Variants in ADAMTS12 observed in about 807,000 individuals in gnomAD.
ADAMTS12 encodes the protein A disintegrin and metalloproteinase with thrombospondin motifs 12.
Under a neutral mutation model 167.8 loss-of-function variants are expected in ADAMTS12, and 118 were observed. The ratio of observed to expected loss-of-function variants is 0.70; its 90% CI spans 0.61 to 0.82. The LOEUF (loss-of-function observed/expected upper bound fraction) is 0.82, where lower values mean the gene tolerates loss of function less well. Among genes scored for constraint, ADAMTS12 ranks in the 40% least tolerant of loss-of-function variants. The pLI, the probability that ADAMTS12 is intolerant of heterozygous loss-of-function variation, is 0.00. For missense variants in ADAMTS12, 1,916 were observed against 1,998.8 expected, an observed-to-expected ratio of 0.96 and a Z score of 0.79; for synonymous variants, 704 against 716.9, an observed-to-expected ratio of 0.98 and a Z score of 0.29.
intron 7 of ADAMTS12, among the ~76,000 whole-genome samples, chr5:33,655,720 G>T (rs570014045): frequency 4.0e-5 from 6 of 151,522 alleles, no homozygotes; most frequent in African/African-American, 1.2e-4. Context: ...TACATGTGCC[G>T]TGGTGGTTTG....
chr5:33,623,938 G>A (rs1158163120), intron 14 of ADAMTS12, among the ~76,000 whole-genome samples: 1 of 152,032 alleles, frequency 6.6e-6, no homozygotes, highest in Non-Finnish European at 1.5e-5. Context: ...TTCCCAAAGG[G>A]GATCCTCTCC....
At chr5:33,868,868 G>A (rs1692964270) in intron 2 of ADAMTS12, among the ~76,000 whole-genome samples, 1 of 152,182 alleles carries the variant, frequency 6.6e-6, no homozygotes, top group South Asian at 2.1e-4. Flanking sequence ...ATGTGGCCCA[G>A]AGAAGCCAAA....
chr5:33,557,853 G>C (rs1016663363), intron 20 of ADAMTS12, among the ~76,000 whole-genome samples: 1 of 151,990 alleles, frequency 6.6e-6, no homozygotes, highest in Non-Finnish European at 1.5e-5. Flanking sequence ...GCCTGAGCTC[G>C]ACCTCCTGTC....
intron 3 of ADAMTS12, among the ~76,000 whole-genome samples, chr5:33,688,591 C>T (rs982124226): frequency 1.3e-5 from 2 of 152,184 alleles, no homozygotes; most frequent in African/African-American, 2.4e-5. Context: ...TCAGTGTCCA[C>T]GGCAGCCAGG....
intron 3 of ADAMTS12, among the ~76,000 whole-genome samples, chr5:33,691,653 G>A (rs553947030): frequency 6.6e-6 from 1 of 152,282 alleles, no homozygotes; most frequent in Non-Finnish European, 1.5e-5. Context: ...GATGGGTGAT[G>A]GACCAGCAAG....
At chr5:33,851,505 G>T (rs1278541588) in intron 2 of ADAMTS12, among the ~76,000 whole-genome samples, 1 of 152,182 alleles carries the variant, frequency 6.6e-6, no homozygotes, top group Non-Finnish European at 1.5e-5. Flanking sequence ...TGAATTAAAA[G>T]GATTTACTAG....
At chr5:33,668,757 TACAGGCGTGAGCCTCC>T (rs1194447276) in intron 5 of ADAMTS12, among the ~76,000 whole-genome samples, 1 of 152,234 alleles carries the variant, frequency 6.6e-6, no homozygotes, top group Non-Finnish European at 1.5e-5. Flanking sequence ...GGGCTGGGAT[TACAGGCGTGAGCCTCC>T]ACACCCGGCC....
At chr5:33,775,631 T>C (rs1035031972) in intron 2 of ADAMTS12, among the ~76,000 whole-genome samples, 3 of 152,208 alleles carry the variant, frequency 2.0e-5, no homozygotes, top group South Asian at 2.1e-4. Context: ...AAGGAATCCA[T>C]GTGAGACATT....
chr5:33,771,776 TAA>T (rs1291745283), intron 2 of ADAMTS12, among the ~76,000 whole-genome samples: 1 of 151,946 alleles, frequency 6.6e-6, no homozygotes, highest in Non-Finnish European at 1.5e-5. Flanking sequence ...CACTGTGTAG[TAA>T]AGTTATACTG....
chr5:33,543,886 C>T (rs1744828941), intron 22 of ADAMTS12, among the ~76,000 whole-genome samples: 1 of 152,116 alleles, frequency 6.6e-6, no homozygotes. Flanking sequence ...CTATTTATGA[C>T]AAACCCACAG....
At chr5:33,764,864 C>A (rs1745476258) in intron 2 of ADAMTS12, among the ~76,000 whole-genome samples, 3 of 151,806 alleles carry the variant, frequency 2.0e-5, no homozygotes, top group Admixed American at 1.3e-4. Context: ...GAGTTCAACT[C>A]CCACCCCCAT....
chr5:33,809,998 AAAACAG>A (rs1747392073), intron 2 of ADAMTS12, among the ~76,000 whole-genome samples: 1 of 143,244 alleles, frequency 7.0e-6, no homozygotes, highest in African/African-American at 3.0e-5. Flanking sequence ...AAAAAAAAAA[AAAACAG>A]ATTAGAAGCA....
At chr5:33,790,994 G>A (rs1746544618) in intron 2 of ADAMTS12, among the ~76,000 whole-genome samples, 1 of 151,934 alleles carries the variant, frequency 6.6e-6, no homozygotes, top group Admixed American at 6.6e-5. Context: ...GTGATTCCCA[G>A]TCCCTCCACT....
intron 2 of ADAMTS12, among the ~76,000 whole-genome samples, chr5:33,850,322 T>A (rs1210359598): frequency 1.3e-5 from 2 of 152,144 alleles, no homozygotes; most frequent in Non-Finnish European, 2.9e-5. Context: ...TAATCAGACC[T>A]CAGGGGAAGC....
At chr5:33,675,104 C>T (rs1741852414) in intron 5 of ADAMTS12, among the ~76,000 whole-genome samples, 1 of 152,124 alleles carries the variant, frequency 6.6e-6, no homozygotes, top group African/African-American at 2.4e-5. Flanking sequence ...TCTTGGACTT[C>T]CCAGTCGCCA....
At chr5:33,560,318 T>C (rs1745676893) in intron 20 of ADAMTS12, among the ~76,000 whole-genome samples, 2 of 152,146 alleles carry the variant, frequency 1.3e-5, no homozygotes, top group African/African-American at 4.8e-5. Context: ...AAAAACACTG[T>C]TGGTGGGACT....
chr5:33,872,831 G>A (rs896197537), intron 2 of ADAMTS12, among the ~76,000 whole-genome samples: 2 of 152,022 alleles, frequency 1.3e-5, no homozygotes, highest in Admixed American at 6.6e-5. Context: ...ACACTGACAG[G>A]CTAAAGAAAA....
At chr5:33,620,132 A>T (rs1047160201) in intron 14 of ADAMTS12, among the ~76,000 whole-genome samples, 24 of 152,394 alleles carry the variant, frequency 1.6e-4, no homozygotes, top group Non-Finnish European at 2.9e-4. Flanking sequence ...ACCTGCTGGC[A>T]TAGCTGTAGT....
At chr5:33,759,292 G>C (rs935108975) in intron 2 of ADAMTS12, among the ~76,000 whole-genome samples, 5 of 152,308 alleles carry the variant, frequency 3.3e-5, no homozygotes, top group Admixed American at 3.3e-4. Flanking sequence ...GCCAGGTCCT[G>C]GCCTCCTGTA....
Sources: gnomAD v4.1 joint callset for allele counts (sites outside exome capture counted in the v4.1 genomes callset) on GRCh38, gnomAD v4.1.1 for gene constraint, MANE v1.5 for transcripts, NCBI Gene and HGNC (gene_info 2026-07-23, HGNC 2026-07-21) for gene names.